The following SNX32 variants were observed in gnomAD, a reference collection of about 807,000 sequenced individuals.
SNX32 encodes the protein sorting nexin-32.
In SNX32, 58 loss-of-function variants were observed where a neutral mutation model predicts 57.0. That is an observed-to-expected ratio of 1.02 (90% CI 0.82 to 1.27). The LOEUF (loss-of-function observed/expected upper bound fraction) is 1.27. Among genes scored for constraint, SNX32 ranks in the 50% most tolerant of loss-of-function variants. SNX32 has a pLI of 0.00. For missense variants in SNX32, 589 were observed against 541.2 expected (o/e 1.09, Z -0.88); for synonymous variants, 262 against 220.4 (o/e 1.19, Z -1.67).
chr11:65,839,750 T>G (rs986675872), intron 1 of SNX32, among the ~76,000 whole-genome samples: 2 of 148,786 alleles, frequency 1.3e-5, no homozygotes, highest in African/African-American at 5.0e-5. Flanking sequence ...AAAAAAAAAA[T>G]TATCAAGCTG....
intron 11 of SNX32, 39 bp from the exon 12 acceptor site, chr11:65,852,834 C>T (rs755013911): frequency 4.3e-6 from 7 of 1,613,616 alleles, no homozygotes; most frequent in Non-Finnish European, 5.9e-6. Flanking sequence ...ACATGCCCTG[C>T]CCTGCCCGGA....
At chr11:65,851,009 C>T (rs1423173632) in intron 6 of SNX32, 46 bp from the exon 7 acceptor site, 1 of 1,563,076 alleles carries the variant, frequency 6.4e-7, no homozygotes, top group Non-Finnish European at 8.8e-7. Context: ...TGTTGTCAAG[C>T]CCCGTGGTGA....
chr11:65,835,362 G>A (rs1208582278), intron 1 of SNX32: 2 of 151,832 alleles, frequency 1.3e-5, no homozygotes, highest in Non-Finnish European at 2.9e-5. Flanking sequence ...GCGGGGAGGA[G>A]GGCAGGATGT....
intron 1 of SNX32, among the ~76,000 whole-genome samples, chr11:65,848,006 G>A (rs1386339114): frequency 1.3e-5 from 2 of 152,176 alleles, no homozygotes; most frequent in African/African-American, 4.8e-5. Flanking sequence ...GCCAGGAGGA[G>A]GGGACAGATG....
chr11:65,838,158 AAAAG>A (rs1283222411), intron 1 of SNX32, among the ~76,000 whole-genome samples: 1 of 151,876 alleles, frequency 6.6e-6, no homozygotes, highest in Non-Finnish European at 1.5e-5. Flanking sequence ...CTCTGTCAAA[AAAAG>A]AAAGAAAGAA....
In SNX32 at chr11:65,834,089, G is replaced by A. The variant is rs17854357; in HGVS notation, c.24G>A (p.Gly8=). The part of the protein sequence containing the change: METYAEV[G]KEGKPSCASV... Reference sequence around the variant, plus strand: ...CGATGGAGACGTATGCGGAGGTTGGGAAGGAGGGCAAGGTAGAGAAAGGAT... The same window carrying A: ...CGATGGAGACGTATGCGGAGGTTGGAAAGGAGGGCAAGGTAGAGAAAGGAT... Residue 8 remains glycine, a synonymous_variant, in exon 1 of 13, where the codon GGG becomes GGA. Transcript: ENST00000308342. 8 of 1,551,232 alleles carry A rather than the reference G, an allele frequency of 5.2e-6. No homozygotes were observed. Among genetic ancestry groups the A allele is most frequent in the Non-Finnish European group, 7.0e-6 (8 of 1,146,758 alleles).
chr11:65,844,793 C>A (rs1016851554), intron 1 of SNX32, among the ~76,000 whole-genome samples: 1 of 151,466 alleles, frequency 6.6e-6, no homozygotes, highest in Non-Finnish European at 1.5e-5. Flanking sequence ...ATGGCGAAAC[C>A]CCATCTCTAC....
chr11:65,839,451 G>C (rs969728128), intron 1 of SNX32, among the ~76,000 whole-genome samples: 1 of 146,820 alleles, frequency 6.8e-6, no homozygotes, highest in Non-Finnish European at 1.5e-5. Context: ...GGATGGTCTC[G>C]ATCTCCTGAC....
rs1271875608 is a variant in SNX32, at chr11:65,853,403, T to C, written c.*68T>C. On this transcript the variant is annotated 3_prime_UTR_variant, in exon 13 of 13. Transcript: ENST00000308342. ...GACCAGGGTATCCCAGACCCCTCTC[T>C]CCGGCAAGATGTCTCCTTCCCTAGC... 2.0e-6 allele frequency: 3 copies of C among 1,491,210 alleles called. No individual in the cohort carries two copies. The highest frequency in any genetic ancestry group is 1.4e-5 in the African/African-American group (1 of 72,476). The allele number at this position is 1,491,210 out of a possible 1,614,324, so 92.4% of individuals were successfully genotyped here.
intron 8 of SNX32, 112 bp from the exon 9 acceptor site, chr11:65,851,528 A>C: frequency 4.0e-6 from 6 of 1,509,364 alleles, no homozygotes; most frequent in East Asian, 2.3e-5. Flanking sequence ...CTGTTGGGGG[A>C]TGGTGTTGGG....
intron 1 of SNX32, among the ~76,000 whole-genome samples, chr11:65,844,965 CA>C (rs58832475): frequency 0.92 from 115,275 of 125,618 alleles, 53,353 homozygotes; most frequent in South Asian, 1. Flanking sequence ...GACTCTGTCT[CA>C]AAAAAAAAAA....
chr11:65,848,022 A>T (rs1031196607), intron 1 of SNX32, among the ~76,000 whole-genome samples: 61 of 152,138 alleles, frequency 4.0e-4, no homozygotes, highest in Non-Finnish European at 1.5e-4. Context: ...AGATGCAGGG[A>T]TCTCCATCCA....
chr11:65,849,860 G>C, intron 2 of SNX32, 60 bp from the exon 3 acceptor site: 1 of 1,407,564 alleles, frequency 7.1e-7, no homozygotes, highest in East Asian at 2.4e-5. Context: ...TGCATGCCCA[G>C]ACTTGCTGAG....
At chr11:65,845,138 A>C (rs1858955168) in intron 1 of SNX32, among the ~76,000 whole-genome samples, 1 of 145,834 alleles carries the variant, frequency 6.9e-6, no homozygotes, top group African/African-American at 2.5e-5. Flanking sequence ...CCTGCTTTAA[A>C]AAAAAAAAAA....
intron 1 of SNX32, among the ~76,000 whole-genome samples, chr11:65,848,846 TA>T (rs1859074784): frequency 1.3e-5 from 2 of 152,082 alleles, no homozygotes; most frequent in Admixed American, 1.3e-4. Context: ...GGTTGGGAAT[TA>T]AGAAACTGGG....
Position 65,839,224 on chromosome 11 carries a change from T to TTTTTTTTTTTTTTTTTG in SNX32, c.36+5123_36+5124insTTTTTTTTTTTTTTTTG, listed in dbSNP as rs1565245957. Among the ~76,000 whole-genome samples the TTTTTTTTTTTTTTTTTG allele has an allele frequency of 5.9e-4, 9 of 15,162 alleles. 1 individual carries two copies. The highest frequency in any genetic ancestry group is 1.7e-3 in the Non-Finnish European group (9 of 5,418). 9.9% of individuals were successfully genotyped at this position (15,162 alleles called of 152,430 possible). A position where few individuals can be genotyped will look rare whatever the true frequency, so the allele number is the denominator to read the frequency against. On this transcript the variant is annotated intron_variant, in intron 1 of 12. Transcript: ENST00000308342. ...CCACCACGCCCAGCTAATTTTTTTG[T>TTTTTTTTTTTTTTTTTG]ATTTTTTTTTTTTTTTTTTTTTTGA... is the stretch of plus-strand genomic sequence containing the variant.
rs1555032605 is a variant in SNX32 at position 65,839,215 on chromosome 11, A to ATTTTT, written c.36+5117_36+5121dup. Among the ~76,000 whole-genome samples the ATTTTT allele has an allele frequency of 2.2e-3, 43 of 19,522 alleles. 3 individuals are homozygous for ATTTTT. The highest frequency in any genetic ancestry group is 3.8e-3 in the Non-Finnish European group (32 of 8,374). The allele number at this position is 19,522 out of a possible 152,430, so 12.8% of individuals were successfully genotyped here. ...AGCTGTGCCCCACCACGCCCAGCTA[A>ATTTTT]TTTTTTTGTATTTTTTTTTTTTTTT... On this transcript the variant is annotated intron_variant, in intron 1 of 12. Coordinates refer to ENST00000308342, the MANE Select transcript of SNX32 (RefSeq NM_152760.3).
At chr11:65,837,318 CAT>C (rs1858694796) in intron 1 of SNX32, among the ~76,000 whole-genome samples, 1 of 151,990 alleles carries the variant, frequency 6.6e-6, no homozygotes, top group Admixed American at 6.6e-5. Flanking sequence ...TTAAAAGAGA[CAT>C]ATTTTAAATA....
At chr11:65,841,310 C>T (rs1053559374) in intron 1 of SNX32, among the ~76,000 whole-genome samples, 1 of 151,104 alleles carries the variant, frequency 6.6e-6, no homozygotes, top group Non-Finnish European at 1.5e-5. Flanking sequence ...GATCATGGCT[C>T]ACAGCAGCCT....
Sources: allele counts gnomAD v4.1 joint callset (sites outside exome capture counted in the v4.1 genomes callset), GRCh38; gene constraint gnomAD v4.1.1; transcripts MANE v1.5; gene names NCBI Gene and HGNC (gene_info 2026-07-23, HGNC 2026-07-21).